The following SEMA3B variants were observed in gnomAD, a reference collection of about 807,000 sequenced individuals.
The protein encoded by SEMA3B is semaphorin 3B, also known as semaphorin-3B.
In SEMA3B, 71 loss-of-function variants were observed where a neutral mutation model predicts 77.8. The observed-to-expected ratio is 0.91, with a 90% CI of 0.75 to 1.11. The LOEUF (loss-of-function observed/expected upper bound fraction) is 1.11. SEMA3B is among the 50% of genes most tolerant of loss of function. The probability of loss-of-function intolerance (pLI) is 0.00; values close to 1 mark genes in which losing one functional copy is unlikely to be tolerated. For missense variants in SEMA3B, 968 were observed against 1,056.8 expected, an observed-to-expected ratio of 0.92 and a Z score of 1.17; for synonymous variants, 470 against 452.9, an observed-to-expected ratio of 1.04 and a Z score of -0.48.
Position 50,276,319 on chromosome 3 carries a change from C to A in SEMA3B, c.1863C>A (p.Arg621=). The change falls in exon 17 of 17, where the codon CGC becomes CGA. Residue 621 remains arginine (R), a synonymous_variant. Transcript: ENST00000616701. The surrounding 1 kb of genome is among the most constrained non-coding windows in gnomAD (Gnocchi z 5.8). ...GCCCGCAGGTGCTGGCAGAGGAGCG[C>A]ACCGAGCGCACCGCCCGGGGACTAC... The part of the protein sequence containing the change: ...TAHTQVLAEE[R]TERTARGLLL... The A allele has an allele frequency of 6.6e-7, 1 of 1,522,100 alleles. No homozygotes were observed. The highest frequency in any genetic ancestry group is 1.4e-5 in the African/African-American group (1 of 72,444). 94.3% of individuals were successfully genotyped at this position (1,522,100 alleles called of 1,614,324 possible).
At chr3:50,272,759 T>G (rs1701086552) in intron 6 of SEMA3B, among the ~76,000 whole-genome samples, 1 of 148,358 alleles carries the variant, frequency 6.7e-6, no homozygotes, top group Non-Finnish European at 1.5e-5. Flanking sequence ...GACTGTAATC[T>G]CAGCTACTTG....
Position 50,273,328 on chromosome 3 carries a change from C to T in SEMA3B, c.695C>T (p.Pro232Leu), listed in dbSNP as rs1175477112. 3 of 1,613,930 alleles carry T rather than the reference C, an allele frequency of 1.9e-6. No homozygotes were observed. Among genetic ancestry groups the T allele is most frequent in the East Asian group, 2.2e-5 (1 of 44,882 alleles). ...AAGTTTGTCAAGGTATTTTGGATCC[C>T]GGAGAGCGAGAACCCAGACGACGAC... is the stretch of plus-strand genomic sequence containing the variant. ...EPKFVKVFWI[P>L]ESENPDDDKI... Residue 232 changes from proline to leucine, a missense_variant, in exon 7 of 17, where the codon CCG becomes CTG. By Grantham distance (98) the Pro-to-Leu change is moderately conservative (BLOSUM62 -3). Coordinates refer to ENST00000616701, the MANE Select transcript of SEMA3B (RefSeq NM_001290060.2). This position sits in a 1 kb window ranked among gnomAD's most constrained non-coding sequence, Gnocchi z 6.5.
chr3:50,273,751 C>A lies in SEMA3B; in HGVS notation c.923-8C>A. ...GCGCCCTACCCCAGCTAGGCCCCTT[C>A]CCCGCAGAGGATGTGTTTCTGTTGT... On this transcript the variant is annotated splice_region_variant and splice_polypyrimidine_tract_variant and intron_variant, in intron 8 of 16. Transcript: ENST00000616701. This position sits in a 1 kb window ranked among gnomAD's most constrained non-coding sequence, Gnocchi z 6.5. 1 of 1,603,850 alleles carries A rather than the reference C, an allele frequency of 6.2e-7. No homozygotes were observed. The highest frequency in any genetic ancestry group is 8.5e-7 in the Non-Finnish European group (1 of 1,177,924).
chr3:50,276,155 C>A lies in SEMA3B; in HGVS notation c.1846-147C>A. On this transcript the variant is annotated intron_variant, in intron 16 of 16. Coordinates refer to ENST00000616701, the MANE Select transcript of SEMA3B (RefSeq NM_001290060.2). The surrounding 1 kb of genome is among the most constrained non-coding windows in gnomAD (Gnocchi z 5.8). ...CTTGAAGACCACCAGCTCCCAAACACTCAGCCTTAAAATGTGCGCCTGCGG... is the reference window on the plus strand; with the variant it reads ...CTTGAAGACCACCAGCTCCCAAACAATCAGCCTTAAAATGTGCGCCTGCGG... 2 of 1,122,832 alleles carry A rather than the reference C, an allele frequency of 1.8e-6. No homozygotes were observed. The highest frequency in any genetic ancestry group is 2.4e-6 in the Non-Finnish European group (2 of 824,168). 69.6% of individuals were successfully genotyped at this position (1,122,832 alleles called of 1,614,324 possible).
At position 50,274,825 on chromosome 3, in the gene SEMA3B, C is replaced by A; in HGVS notation, c.1358-18C>A. ...GTCCGGGAGCACCAATGGTCATTAC[C>A]CCTTCTCATCCCTGCAGACGTTGGC... is the stretch of plus-strand genomic sequence containing the variant. On this transcript the variant is annotated intron_variant, in intron 11 of 16. Coordinates refer to ENST00000616701, the MANE Select transcript of SEMA3B (RefSeq NM_001290060.2). This position sits in a 1 kb window ranked among gnomAD's most constrained non-coding sequence, Gnocchi z 4.7. The A allele has an allele frequency of 1.2e-6, 2 of 1,608,598 alleles. No individual in the cohort carries two copies. The highest frequency in any genetic ancestry group is 1.7e-6 in the Non-Finnish European group (2 of 1,178,606).
rs969504952 is a variant in SEMA3B, at chr3:50,274,198, T to C, written c.1137+141T>C. 6 of 1,401,184 alleles carry C rather than the reference T, an allele frequency of 4.3e-6. No individual in the cohort carries two copies. Among genetic ancestry groups the C allele is most frequent in the Non-Finnish European group, 5.8e-6 (6 of 1,030,456 alleles). 86.8% of individuals were successfully genotyped at this position (1,401,184 alleles called of 1,614,324 possible). On this transcript the variant is annotated intron_variant, in intron 10 of 16. Transcript: ENST00000616701. The surrounding 1 kb of genome is among the most constrained non-coding windows in gnomAD (Gnocchi z 4.7). ...CGTTTCCATCATAAGACAAGGCTTG[T>C]TTCCCGCCTCTGACTTCCTAGGGCA...
upstream of SEMA3B, among the ~76,000 whole-genome samples, chr3:50,268,120 C>T (rs2109233324): frequency 6.6e-6 from 1 of 152,234 alleles, no homozygotes; most frequent in South Asian, 2.1e-4. Flanking sequence ...AGAGGGAAGG[C>T]CAGCTCAGCG....
At position 50,269,326 on chromosome 3, in the gene SEMA3B, C is replaced by G. The variant is rs936109726; in HGVS notation, c.86C>G (p.Pro29Arg). 2.4e-5 allele frequency: 36 copies of G among 1,515,982 alleles called. No homozygotes were observed. Among genetic ancestry groups the G allele is most frequent in the Admixed American group, 6.9e-5 (3 of 43,360 alleles). 93.9% of individuals were successfully genotyped at this position (1,515,982 alleles called of 1,614,324 possible). ...VGLGSAAPSP[P>R]RLRLSFQELQ... ...CTGGGGAGTGCCGCCCCCAGCCCCCCACGCCTTCGGCTCTCCTTCCAAGGT... is the reference window on the plus strand; with the variant it reads ...CTGGGGAGTGCCGCCCCCAGCCCCCGACGCCTTCGGCTCTCCTTCCAAGGT... The change falls in exon 1 of 17, where the codon CCA (proline) becomes CGA (arginine). Residue 29 changes from proline to arginine, a missense_variant. Physicochemically the swap from Pro to Arg is moderately radical, Grantham distance 103. Transcript: ENST00000616701. This position sits in a 1 kb window ranked among gnomAD's most constrained non-coding sequence, Gnocchi z 4.0.
At chr3:50,271,550 A>G in intron 6 of SEMA3B, 70 bp downstream of exon 6, 4 of 1,544,438 alleles carry the variant, frequency 2.6e-6, no homozygotes, top group Non-Finnish European at 3.5e-6. Context: ...AGCAAGGCCC[A>G]TAAAGTAAGT....
Position 50,269,322 on chromosome 3 carries a change from C to T in SEMA3B, c.82C>T (p.Pro28Ser). The change falls in exon 1 of 17, where the codon CCC (proline) becomes TCC (serine). Residue 28 changes from proline (P) to serine (S), a missense_variant. Physicochemically the swap from Pro to Ser is moderately conservative, Grantham distance 74. Transcript: ENST00000616701. This position sits in a 1 kb window ranked among gnomAD's most constrained non-coding sequence, Gnocchi z 4.0. ...AVGLGSAAPSPPRLRLSFQEL... is the reference protein window; with the variant it reads ...AVGLGSAAPSSPRLRLSFQEL... ...GGGGCTGGGGAGTGCCGCCCCCAGCCCCCCACGCCTTCGGCTCTCCTTCCA... is the reference window on the plus strand; with the variant it reads ...GGGGCTGGGGAGTGCCGCCCCCAGCTCCCCACGCCTTCGGCTCTCCTTCCA... 6 of 1,517,956 alleles carry T rather than the reference C, an allele frequency of 4.0e-6. No individual in the cohort carries two copies. Among genetic ancestry groups the T allele is most frequent in the Admixed American group, 2.3e-5 (1 of 43,582 alleles). 94.0% of individuals were successfully genotyped at this position (1,517,956 alleles called of 1,614,324 possible). A position where few individuals can be genotyped will look rare whatever the true frequency, so the allele number is the denominator to read the frequency against.
chr3:50,265,020 T>C (rs1553704303), upstream of SEMA3B, among the ~76,000 whole-genome samples: 1 of 151,910 alleles, frequency 6.6e-6, no homozygotes, highest in Non-Finnish European at 1.5e-5. Flanking sequence ...GACAGGGCCC[T>C]CAGAAGGGAA....
Position 50,269,312 on chromosome 3 carries a change from C to G in SEMA3B, c.72C>G (p.Ala24=). 1 of 1,528,730 alleles carries G rather than the reference C, an allele frequency of 6.5e-7. No homozygotes were observed. Among genetic ancestry groups the G allele is most frequent in the Non-Finnish European group, 8.8e-7 (1 of 1,141,970 alleles). The allele number at this position is 1,528,730 out of a possible 1,614,324, so 94.7% of individuals were successfully genotyped here. ...TCTGGGCAGTGGGGCTGGGGAGTGC[C>G]GCCCCCAGCCCCCCACGCCTTCGGC... ...ALLWAVGLGS[A]APSPPRLRLS... Residue 24 remains alanine (A), a synonymous_variant, in exon 1 of 17, where the codon GCC becomes GCG. Coordinates refer to ENST00000616701, the MANE Select transcript of SEMA3B (RefSeq NM_001290060.2). The surrounding 1 kb of genome is among the most constrained non-coding windows in gnomAD (Gnocchi z 4.0).
In SEMA3B at chr3:50,275,125, C is replaced by T; in HGVS notation, c.1491+72C>T. 1 of 1,509,254 alleles carries T rather than the reference C, an allele frequency of 6.6e-7. No individual in the cohort carries two copies. The highest frequency in any genetic ancestry group is 1.4e-5 in the African/African-American group (1 of 72,216). 93.5% of individuals were successfully genotyped at this position (1,509,254 alleles called of 1,614,324 possible). A position where few individuals can be genotyped will look rare whatever the true frequency, so the allele number is the denominator to read the frequency against. On this transcript the variant is annotated intron_variant, in intron 13 of 16. Transcript: ENST00000616701. The surrounding 1 kb of genome is among the most constrained non-coding windows in gnomAD (Gnocchi z 7.5). The stretch of plus-strand genomic sequence containing the variant: ...CCTGGCGCGTCCCAAGCCTCTGGCC[C>T]CTTTTGGTAGTTTGCAGTCCCGGGT...
Position 50,275,386 on chromosome 3 carries a change from T to G in SEMA3B, c.1576T>G (p.Cys526Gly). The G allele has an allele frequency of 6.3e-7, 1 of 1,591,904 alleles. No homozygotes were observed. The highest frequency in any genetic ancestry group is 8.5e-7 in the Non-Finnish European group (1 of 1,170,134). Residue 526 changes from cysteine (C) to glycine (G), a missense_variant, in exon 14 of 17, where the codon TGC becomes GGC. By Grantham distance (159) the Cys-to-Gly change is radical. Coordinates refer to ENST00000616701, the MANE Select transcript of SEMA3B (RefSeq NM_001290060.2). This position sits in a 1 kb window ranked among gnomAD's most constrained non-coding sequence, Gnocchi z 7.5. ...TGCCCACGGCCGCGTCTGCACCGAA[T>G]GCTGTCTGGCGCGTGACCCCTACTG... Reference protein sequence around the residue: ...CAAHGRVCTECCLARDPYCAW... With the variant: ...CAAHGRVCTEGCLARDPYCAW...
At position 50,275,014 on chromosome 3, in the gene SEMA3B, C is replaced by T; in HGVS notation, c.1452C>T (p.Asp484=). 6.3e-7 allele frequency: 1 copy of T among 1,594,890 alleles called. No individual in the cohort carries two copies. Among genetic ancestry groups the T allele is most frequent in the Non-Finnish European group, 8.6e-7 (1 of 1,167,514 alleles). ...CCGTCGCCCCTCCTCCCTCTCAGGA[C>T]TCGGCCGCTGTCACCAGCATGCAAA... ...LLLEELHVFE[D]SAAVTSMQIS... The change falls in exon 13 of 17, where the codon GAC becomes GAT. Residue 484 remains aspartate, a splice_region_variant and synonymous_variant. Transcript: ENST00000616701. This position sits in a 1 kb window ranked among gnomAD's most constrained non-coding sequence, Gnocchi z 7.5.
chr3:50,262,997 GA>G (rs1373398127), upstream of SEMA3B: 2 of 152,256 alleles, frequency 1.3e-5, no homozygotes, highest in Non-Finnish European at 2.9e-5. Context: ...CCAGAGGCTT[GA>G]ACCTGGCACC....
At position 50,276,796 on chromosome 3, in the gene SEMA3B, G is replaced by A. The variant is rs1701271083; in HGVS notation, c.*90G>A. The A allele has an allele frequency of 2.9e-6, 4 of 1,369,452 alleles. No homozygotes were observed. Among genetic ancestry groups the A allele is most frequent in the Admixed American group, 6.5e-5 (2 of 30,776 alleles). The allele number at this position is 1,369,452 out of a possible 1,614,324, so 84.8% of individuals were successfully genotyped here. A position where few individuals can be genotyped will look rare whatever the true frequency, so the allele number is the denominator to read the frequency against. ...CTGAAAAGAAGGACGGGTTGGGGCC[G>A]GGCACATTGGGGGTCACCGGCCGAT... On this transcript the variant is annotated 3_prime_UTR_variant, in exon 17 of 17. Coordinates refer to ENST00000616701, the MANE Select transcript of SEMA3B (RefSeq NM_001290060.2). This position sits in a 1 kb window ranked among gnomAD's most constrained non-coding sequence, Gnocchi z 5.8.
chr3:50,273,817 C>A lies in SEMA3B; in HGVS notation c.981C>A (p.Phe327Leu), dbSNP rs1553705914. Residue 327 changes from phenylalanine (F) to leucine (L), a missense_variant, in exon 9 of 17, where the codon TTC (phenylalanine) becomes TTA (leucine). Phe to Leu is a conservative substitution (Grantham distance 22). Transcript: ENST00000616701. This position sits in a 1 kb window ranked among gnomAD's most constrained non-coding sequence, Gnocchi z 6.5. The part of the protein sequence containing the change: ...DHRTPLLYAV[F>L]STSSSIFQGS... ...GGACCCCGCTGCTCTATGCCGTCTT[C>A]TCCACGTCCAGGTGAGGGGCAGGAG... is the stretch of plus-strand genomic sequence containing the variant. 6.3e-7 allele frequency: 1 copy of A among 1,581,816 alleles called. No homozygotes were observed. The highest frequency in any genetic ancestry group is 2.3e-5 in the East Asian group (1 of 42,910).
At position 50,276,531 on chromosome 3, in the gene SEMA3B, T is replaced by C. The variant is rs1553706826; in HGVS notation, c.2075T>C (p.Phe692Ser). The C allele has an allele frequency of 6.5e-7, 1 of 1,535,008 alleles. No homozygotes were observed. The highest frequency in any genetic ancestry group is 8.7e-7 in the Non-Finnish European group (1 of 1,145,470). ...GGCCCCAAACTCTGGTACCGGGACT[T>C]TCTGCAGCTGGTGGAGCCGGGCGGA... The part of the protein sequence containing the change: ...PPGPKLWYRD[F>S]LQLVEPGGGG... The change falls in exon 17 of 17, where the codon TTT becomes TCT. Residue 692 changes from phenylalanine (F) to serine (S), a missense_variant. By Grantham distance (155) the Phe-to-Ser change is radical (BLOSUM62 -2). Transcript: ENST00000616701. This position sits in a 1 kb window ranked among gnomAD's most constrained non-coding sequence, Gnocchi z 5.8.
Sources: gnomAD v4.1 joint callset for allele counts (sites outside exome capture counted in the v4.1 genomes callset) on GRCh38, gnomAD v4.1.1 for gene constraint, Gnocchi (gnomAD v3.1) non-coding constraint, MANE v1.5 for transcripts, NCBI Gene and HGNC (gene_info 2026-07-23, HGNC 2026-07-21) for gene names.